SRPK2: variants seen among roughly 807,000 people sequenced by gnomAD.
SRPK2 encodes the protein SRSF protein kinase 2.
A neutral mutation model predicts 90.8 loss-of-function variants in SRPK2; 21 were observed. That is an observed-to-expected ratio of 0.23 (90% confidence interval 0.16 to 0.33). SRPK2 has a LOEUF of 0.33. Ranked by LOEUF, SRPK2 falls within the 10% of genes least tolerant of loss-of-function variation. The pLI is 1.00. For synonymous variants in SRPK2, 288 were observed against 311.1 expected (o/e 0.93, Z 0.78); for missense variants, 620 against 869.0 (o/e 0.71, Z 3.60).
chr7:105,368,884 C>CAA (rs5886350), intron 2 of SRPK2, among the ~76,000 whole-genome samples: 1 of 93,110 alleles, frequency 1.1e-5, no homozygotes, highest in South Asian at 4.1e-4. Flanking sequence ...AACTCTATCT[C>CAA]AAAAAAAAAA....
chr7:105,260,914 A>T (rs539673245), intron 2 of SRPK2, among the ~76,000 whole-genome samples: 129 of 151,926 alleles, frequency 8.5e-4, no homozygotes, highest in African/African-American at 3.0e-3. Context: ...GGACAGCATT[A>T]GCAGAAATAC....
upstream of SRPK2, chr7:105,389,220 C>A (rs112658820): frequency 3.3e-6 from 4 of 1,202,238 alleles, no homozygotes; most frequent in Non-Finnish European, 4.2e-6. Flanking sequence ...CCTCCCTCCC[C>A]GCCGCGGCCT....
At chr7:105,164,581 G>C (rs1309780743) in intron 6 of SRPK2, among the ~76,000 whole-genome samples, 1 of 152,180 alleles carries the variant, frequency 6.6e-6, no homozygotes, top group Non-Finnish European at 1.5e-5. Context: ...TGATATGATT[G>C]TTTACAAAAG....
chr7:105,272,294 A>G lies in SRPK2; in HGVS notation c.72-68509T>C, dbSNP rs900562487. Among the ~76,000 whole-genome samples, 6 of 152,344 alleles carry G rather than the reference A, an allele frequency of 3.9e-5. 1 individual carries two copies. The highest frequency in any genetic ancestry group is 1.4e-4 in the African/African-American group (6 of 41,584). ...CTGAAAATGCTTGACAGTACACTCA[A>G]CAGCTCCTTCTACATCTCAGCCTTT... On this transcript the variant is annotated intron_variant, in intron 2 of 15. Coordinates refer to ENST00000393651, the MANE Select transcript of SRPK2 (RefSeq NM_182692.3).
At chr7:105,280,803 C>T (rs547346095) in intron 2 of SRPK2, among the ~76,000 whole-genome samples, 11 of 151,140 alleles carry the variant, frequency 7.3e-5, no homozygotes, top group African/African-American at 4.9e-5. Context: ...AAAAATTAGC[C>T]GGGCGTGGTG....
intron 13 of SRPK2, among the ~76,000 whole-genome samples, chr7:105,130,932 C>T (rs987283902): frequency 1.6e-4 from 25 of 152,082 alleles, no homozygotes; most frequent in Admixed American, 1.3e-3. Flanking sequence ...AAAGGCTTTT[C>T]CTTGGGAATC....
At chr7:105,367,425 G>A (rs1235277825) in intron 2 of SRPK2, among the ~76,000 whole-genome samples, 2 of 152,060 alleles carry the variant, frequency 1.3e-5, no homozygotes, top group Non-Finnish European at 2.9e-5. Context: ...ACTACACCCA[G>A]TTAATTTTTG....
intron 2 of SRPK2, among the ~76,000 whole-genome samples, chr7:105,346,396 AAC>A (rs1300808242): frequency 6.6e-6 from 1 of 152,096 alleles, no homozygotes. Context: ...TGGTGACTGG[AAC>A]ACAGAGGGTA....
In SRPK2 at chr7:105,154,883, C is replaced by G. The variant is rs188021989; in HGVS notation, c.621+5624G>C. Among the ~76,000 whole-genome samples, 579 of 152,020 alleles carry G rather than the reference C, an allele frequency of 3.8e-3. 7 individuals are homozygous for G. The highest frequency in any genetic ancestry group is 0.014 in the Admixed American group (217 of 15,252). ...AGAGATGGGGTTTCACCATATTGGT[C>G]AGGCTGGTCTAGAACTCCTGACCTC... On this transcript the variant is annotated intron_variant, in intron 7 of 15. Transcript: ENST00000393651.
chr7:105,149,262 A>C lies in SRPK2; in HGVS notation c.622-2604T>G, dbSNP rs571585889. Among the ~76,000 whole-genome samples the C allele has an allele frequency of 2.4e-4, 36 of 152,322 alleles. No individual in the cohort carries two copies. In the East Asian group the frequency reaches 6.8e-3, roughly 29 times the overall value. On this transcript the variant is annotated intron_variant, in intron 7 of 15. Coordinates refer to ENST00000393651, the MANE Select transcript of SRPK2 (RefSeq NM_182692.3). ...ACCGCCCTATGGTGGGAGGTGAGACATGTTTGCAGTAATGCTGCCTTGTTA... is the reference window on the plus strand; with the variant it reads ...ACCGCCCTATGGTGGGAGGTGAGACCTGTTTGCAGTAATGCTGCCTTGTTA...
At chr7:105,361,064 G>C (rs1258734103) in intron 2 of SRPK2, among the ~76,000 whole-genome samples, 2 of 152,168 alleles carry the variant, frequency 1.3e-5, no homozygotes, top group Non-Finnish European at 2.9e-5. Context: ...TGACATGATT[G>C]TCTATTTAGA....
intron 2 of SRPK2, among the ~76,000 whole-genome samples, chr7:105,286,264 C>T (rs1473910200): frequency 6.6e-6 from 1 of 152,212 alleles, no homozygotes; most frequent in African/African-American, 2.4e-5. Context: ...TGCAAACCTA[C>T]AAATCCAGTC....
At chr7:105,204,932 A>G (rs927527577) in intron 2 of SRPK2, 3 of 343,842 alleles carry the variant, frequency 8.7e-6, no homozygotes, top group Admixed American at 7.8e-5. Context: ...CTCTCTGCCC[A>G]GTGGAAGGCC....
At chr7:105,301,961 C>G in intron 2 of SRPK2, 1 of 1,609,066 alleles carries the variant, frequency 6.2e-7, no homozygotes, top group Non-Finnish European at 8.5e-7. Flanking sequence ...AAAAGAATAA[C>G]TTTCAAAAGC....
chr7:105,246,730 T>A (rs976314860), intron 2 of SRPK2, among the ~76,000 whole-genome samples: 4 of 152,158 alleles, frequency 2.6e-5, no homozygotes, highest in Non-Finnish European at 4.4e-5. Context: ...GCATATATAT[T>A]TTTTTTCAGT....
downstream of SRPK2, among the ~76,000 whole-genome samples, chr7:105,115,059 G>A (rs1478398170): frequency 2.0e-5 from 3 of 152,174 alleles, no homozygotes; most frequent in East Asian, 5.8e-4. Context: ...TCACTGGCTT[G>A]AAATGTGCCT....
chr7:105,277,367 C>G (rs1228653492), intron 2 of SRPK2, among the ~76,000 whole-genome samples: 1 of 152,210 alleles, frequency 6.6e-6, no homozygotes, highest in Non-Finnish European at 1.5e-5. Context: ...TGAGCCACTG[C>G]GCCCGGCCCA....
chr7:105,228,963 C>T (rs987955312), intron 2 of SRPK2, among the ~76,000 whole-genome samples: 5 of 152,188 alleles, frequency 3.3e-5, no homozygotes, highest in Non-Finnish European at 7.3e-5. Context: ...ATAACTACTG[C>T]TCACAATAGT....
chr7:105,248,710 G>A (rs1802063374), intron 2 of SRPK2, among the ~76,000 whole-genome samples: 1 of 152,154 alleles, frequency 6.6e-6, no homozygotes, highest in Non-Finnish European at 1.5e-5. Context: ...GGAGGCCCGA[G>A]GCAGGCAGAT....
Sources: allele counts gnomAD v4.1 joint callset (sites outside exome capture counted in the v4.1 genomes callset), GRCh38; gene constraint gnomAD v4.1.1; transcripts MANE v1.5; gene names NCBI Gene and HGNC (gene_info 2026-07-23, HGNC 2026-07-21).